Variants in SHPRH observed in about 807,000 individuals in gnomAD.
SHPRH encodes E3 ubiquitin-protein ligase SHPRH.
In SHPRH, 106 loss-of-function variants were observed where a neutral mutation model predicts 202.5. The observed-to-expected ratio is 0.52, with a 90% CI of 0.45 to 0.62. The LOEUF (loss-of-function observed/expected upper bound fraction) is 0.62, where lower values mean the gene tolerates loss of function less well. SHPRH is among the 20% of genes least tolerant of loss of function. The probability of loss-of-function intolerance (pLI) is 0.00; values close to 1 mark genes in which losing one functional copy is unlikely to be tolerated. For synonymous variants in SHPRH, 729 were observed against 686.0 expected, an observed-to-expected ratio of 1.06 and a Z score of -0.98; for missense variants, 1,710 against 2,020.0, an observed-to-expected ratio of 0.85 and a Z score of 2.94.
intron 10 of SHPRH, 109 bp downstream of exon 10, chr6:145,941,512 AAT>A: frequency 1.3e-6 from 2 of 1,483,522 alleles, no homozygotes; most frequent in South Asian, 2.7e-5. Context: ...ACTTTTGACC[AAT>A]ATCAGTACTA....
rs377457041 is a variant in SHPRH, at chr6:145,869,373, T to C, written c.222-4882A>G. On this transcript the variant is annotated intron_variant, in intron 2 of 2. Transcript: ENST00000417762. ...GAAGTATAGCTTATCAATTCTGTTT[T>C]GGATTGTGCCTCGGGTAGTGTAGTC... Among the ~76,000 whole-genome samples, 16 of 152,366 alleles carry C rather than the reference T, an allele frequency of 1.1e-4. No homozygotes were observed. The East Asian group carries it at 1.3e-3, about 13-fold the overall frequency.
chr6:145,906,859 G>C (rs936572090), intron 25 of SHPRH: 12 of 152,138 alleles, frequency 7.9e-5, no homozygotes, highest in African/African-American at 2.7e-4. Context: ...AGTCCACATT[G>C]TAGTTGATCC....
chr6:145,961,378 G>T (rs1419470077), intron 1 of SHPRH, among the ~76,000 whole-genome samples: 1 of 152,102 alleles, frequency 6.6e-6, no homozygotes, highest in African/African-American at 2.4e-5. Context: ...AAAAAACCTT[G>T]TTATGGATAA....
At chr6:145,858,041 C>G in the SHPRH span, among the ~76,000 whole-genome samples, 1 of 152,032 alleles carries the variant, frequency 6.6e-6, no homozygotes, top group African/African-American at 2.4e-5. Flanking sequence ...AGTAGAATGT[C>G]TAAAATTAAG....
intron 25 of SHPRH, among the ~76,000 whole-genome samples, chr6:145,900,107 T>C (rs1175104526): frequency 2.0e-5 from 3 of 152,108 alleles, no homozygotes; most frequent in Non-Finnish European, 4.4e-5. Context: ...TTTCTCAATA[T>C]ATTAAAAATA....
chr6:145,945,450 A>G lies in SHPRH; in HGVS notation c.1509T>C (p.Gly503=), dbSNP rs916891554. ...EGLVKQIKGH[G]FSGTFTLGKN... ...TTCCCAATGTAAAAGTCCCAGAAAA[A>G]CCATGGCCTTTGATCTGTTTCACGA... The change falls in exon 8 of 30, where the codon GGT becomes GGC. Residue 503 remains glycine, a synonymous_variant. Transcript: ENST00000275233. The G allele has an allele frequency of 1.9e-6, 3 of 1,613,100 alleles. No homozygotes were observed. The highest frequency in any genetic ancestry group is 2.5e-6 in the Non-Finnish European group (3 of 1,179,478).
chr6:145,894,829 A>C, intron 26 of SHPRH, 56 bp downstream of exon 26: 1 of 1,544,768 alleles, frequency 6.5e-7, no homozygotes, highest in South Asian at 1.1e-5. Context: ...CTGTAAACTG[A>C]TTAGAGAGGG....
chr6:145,954,964 G>A lies in SHPRH; in HGVS notation c.359C>T (p.Thr120Ile). The A allele has an allele frequency of 6.2e-7, 1 of 1,613,804 alleles. No homozygotes were observed. The highest frequency in any genetic ancestry group is 1.1e-5 in the South Asian group (1 of 91,072). Residue 120 changes from threonine (T) to isoleucine (I), a missense_variant, in exon 2 of 30, where the codon ACT becomes ATT. Thr to Ile is a moderately conservative substitution (Grantham distance 89). Coordinates refer to ENST00000275233, the MANE Select transcript of SHPRH (RefSeq NM_001042683.3). ...NSWKAFLGEL[T>I]LQLLPAQSLI... ...ACTCTGTGCAGGAAGAAGCTGAAGA[G>A]TTAATTCTCCTAGAAATGCTTTCCA...
At chr6:145,919,805 CAT>C (rs1380824703) in intron 21 of SHPRH, among the ~76,000 whole-genome samples, 3 of 152,208 alleles carry the variant, frequency 2.0e-5, no homozygotes, top group Non-Finnish European at 4.4e-5. Context: ...TTTATTATAA[CAT>C]ATTTCACATA....
intron 11 of SHPRH, among the ~76,000 whole-genome samples, chr6:145,935,999 A>G (rs950524450): frequency 1.3e-5 from 2 of 152,224 alleles, no homozygotes; most frequent in Non-Finnish European, 2.9e-5. Context: ...AATGACTCAA[A>G]TAAATAAATT....
At chr6:145,945,284 T>A in intron 8 of SHPRH, 97 bp downstream of exon 8, 1 of 1,370,846 alleles carries the variant, frequency 7.3e-7, no homozygotes, top group Non-Finnish European at 9.8e-7. Context: ...TATCTTCAGA[T>A]CGTAAGAGTT....
downstream of SHPRH, among the ~76,000 whole-genome samples, chr6:145,881,861 T>C (rs1780596604): frequency 6.6e-6 from 1 of 152,046 alleles, no homozygotes; most frequent in South Asian, 2.1e-4. Context: ...CCCAGCACGT[T>C]GGGAGGCCGA....
chr6:145,958,266 T>C (rs139916706), intron 1 of SHPRH, among the ~76,000 whole-genome samples: 1 of 152,286 alleles, frequency 6.6e-6, no homozygotes, highest in East Asian at 1.9e-4. Context: ...CTCATCAAAT[T>C]ATATACTTTA....
intron 4 of SHPRH, among the ~76,000 whole-genome samples, chr6:145,948,611 A>T (rs1035833347): frequency 6.6e-6 from 1 of 152,058 alleles, no homozygotes; most frequent in African/African-American, 2.4e-5. Context: ...AGGACAGATA[A>T]GCAAAGTGTG....
intron 4 of SHPRH, among the ~76,000 whole-genome samples, chr6:145,948,767 T>C (rs1429750395): frequency 2.6e-5 from 4 of 152,052 alleles, no homozygotes; most frequent in African/African-American, 7.2e-5. Flanking sequence ...TAAATACATT[T>C]ACCCGAATCA....
chr6:145,948,653 T>C (rs1010511278), intron 4 of SHPRH, among the ~76,000 whole-genome samples: 2 of 152,044 alleles, frequency 1.3e-5, no homozygotes, highest in African/African-American at 4.8e-5. Context: ...GGAAAACTAA[T>C]ACATATAACC....
Position 145,950,296 on chromosome 6 carries a change from T to C in SHPRH, c.950A>G (p.Gln317Arg). 1 of 1,613,074 alleles carries C rather than the reference T, an allele frequency of 6.2e-7. No homozygotes were observed. ...AGGACTGCTTCTGAAACACTCTTGT[T>C]GTAGCATCCAATTGACAGCCTCTCT... ...YQREAVNWML[Q>R]QECFRSSPAT... Residue 317 changes from glutamine (Q) to arginine (R), a missense_variant, in exon 4 of 30, where the codon CAA becomes CGA. By Grantham distance (43) the Gln-to-Arg change is conservative. Transcript: ENST00000275233.
intron 25 of SHPRH, among the ~76,000 whole-genome samples, chr6:145,898,565 T>TG (rs1158354050): frequency 6.6e-6 from 1 of 152,076 alleles, no homozygotes; most frequent in Non-Finnish European, 1.5e-5. Context: ...TTCTGAGTCA[T>TG]GGGGGTGGAT....
intron 24 of SHPRH, among the ~76,000 whole-genome samples, chr6:145,913,148 T>C (rs1783648922): frequency 6.6e-6 from 1 of 152,178 alleles, no homozygotes; most frequent in African/African-American, 2.4e-5. Context: ...TACATTTCTG[T>C]ATAATTATTG....
Sources: allele counts gnomAD v4.1 joint callset (sites outside exome capture counted in the v4.1 genomes callset), GRCh38; gene constraint gnomAD v4.1.1; transcripts MANE v1.5; gene names NCBI Gene and HGNC (gene_info 2026-07-23, HGNC 2026-07-21).